The following MAGI1 variants were observed in gnomAD, a reference collection of about 807,000 sequenced individuals.
MAGI1 encodes membrane-associated guanylate kinase, WW and PDZ domain-containing protein 1.
In MAGI1, 58 loss-of-function variants were observed where a neutral mutation model predicts 139.9. The observed-to-expected ratio is 0.41, with a 90% confidence interval of 0.34 to 0.52. The LOEUF is 0.52. Ranked by LOEUF, MAGI1 falls within the 20% of genes least tolerant of loss-of-function variation. The pLI is 0.12. For missense variants in MAGI1, 1,874 were observed against 1,901.6 expected, an observed-to-expected ratio of 0.99 and a Z score of 0.27; for synonymous variants, 812 against 737.9, an observed-to-expected ratio of 1.10 and a Z score of -1.63.
intron 10 of MAGI1, among the ~76,000 whole-genome samples, chr3:65,435,501 T>TGGAA (rs1559551829): frequency 6.6e-6 from 1 of 151,660 alleles, no homozygotes; most frequent in Non-Finnish European, 1.5e-5. Flanking sequence ...GATGGATGGA[T>TGGAA]GGAAGATGGA....
chr3:65,653,980 T>G (rs1247154722), intron 1 of MAGI1, among the ~76,000 whole-genome samples: 1 of 152,136 alleles, frequency 6.6e-6, no homozygotes, highest in Non-Finnish European at 1.5e-5. Flanking sequence ...GCAAATGAAC[T>G]AGAAAGAAAT....
intron 1 of MAGI1, chr3:66,003,708 A>T (rs1336440451): frequency 6.6e-6 from 1 of 152,014 alleles, no homozygotes; most frequent in Admixed American, 6.6e-5. Context: ...ACCTCAAGTG[A>T]TCCACTCACC....
intron 2 of MAGI1, chr3:65,609,652 A>G (rs1264489699): frequency 6.2e-6 from 1 of 161,640 alleles, no homozygotes; most frequent in African/African-American, 2.4e-5. Flanking sequence ...TGGCATGCTC[A>G]TAGTTCACTG....
intron 1 of MAGI1, among the ~76,000 whole-genome samples, chr3:65,693,124 T>C (rs1203061071): frequency 6.6e-6 from 1 of 152,152 alleles, no homozygotes; most frequent in Non-Finnish European, 1.5e-5. Context: ...AAAAAAATTT[T>C]TATACAGATG....
At chr3:65,470,809 G>A (rs972902216) in intron 4 of MAGI1, among the ~76,000 whole-genome samples, 3 of 152,186 alleles carry the variant, frequency 2.0e-5, no homozygotes, top group South Asian at 4.2e-4. Context: ...AACTAAGAAG[G>A]CCATCAAAAC....
chr3:65,674,446 A>G (rs1483433657), intron 1 of MAGI1, among the ~76,000 whole-genome samples: 2 of 152,132 alleles, frequency 1.3e-5, no homozygotes, highest in Non-Finnish European at 2.9e-5. Context: ...AACTCCACAT[A>G]TGGGAACTAT....
chr3:65,422,998 T>G (rs1559541426), intron 12 of MAGI1, among the ~76,000 whole-genome samples: 1 of 152,128 alleles, frequency 6.6e-6, no homozygotes, highest in Non-Finnish European at 1.5e-5. Flanking sequence ...TGAGACCTGT[T>G]GCGAGGCCAC....
chr3:65,597,882 C>A (rs955810001), intron 2 of MAGI1: 5 of 452,658 alleles, frequency 1.1e-5, no homozygotes, highest in African/African-American at 6.1e-5. Context: ...CCTCCCACCA[C>A]GCTGGTCCTT....
chr3:65,522,424 A>C (rs1388011642), intron 2 of MAGI1, among the ~76,000 whole-genome samples: 1 of 152,168 alleles, frequency 6.6e-6, no homozygotes, highest in Non-Finnish European at 1.5e-5. Flanking sequence ...TCTCTAAATC[A>C]AGAAAGGATT....
chr3:65,848,172 G>T (rs766703676), intron 1 of MAGI1, among the ~76,000 whole-genome samples: 1 of 152,196 alleles, frequency 6.6e-6, no homozygotes, highest in Non-Finnish European at 1.5e-5. Flanking sequence ...GTCAGACCAC[G>T]TGTCTCTGTT....
chr3:65,468,366 T>C (rs1950309843), intron 5 of MAGI1, among the ~76,000 whole-genome samples: 1 of 99,450 alleles, frequency 1.0e-5, no homozygotes, highest in South Asian at 3.5e-4. Flanking sequence ...AAGAGGGTAT[T>C]CTTTTTTTTT....
At chr3:65,948,946 T>A (rs189324972) in intron 1 of MAGI1, among the ~76,000 whole-genome samples, 1 of 152,302 alleles carries the variant, frequency 6.6e-6, no homozygotes, top group Admixed American at 6.5e-5. Flanking sequence ...CTCTTCCAAC[T>A]GCCCAGTAAC....
At position 66,038,511 on chromosome 3, in the gene MAGI1, G is replaced by C; in HGVS notation, c.-203C>G. 1.4e-6 allele frequency: 1 copy of C among 710,394 alleles called. No homozygotes were observed. Among genetic ancestry groups the C allele is most frequent in the South Asian group, 3.1e-5 (1 of 32,226 alleles). 44.0% of individuals were successfully genotyped at this position (710,394 alleles called of 1,614,324 possible). A position where few individuals can be genotyped will look rare whatever the true frequency, so the allele number is the denominator to read the frequency against. On this transcript the variant is annotated 5_prime_UTR_variant, in exon 1 of 23. Coordinates refer to ENST00000402939, the MANE Select transcript of MAGI1 (RefSeq NM_001033057.2). ...AAACAAACTTTCTGGGCTTCCCCGC[G>C]AGCCCCGCACAGGCGCCCGCGAGCT... is the stretch of plus-strand genomic sequence containing the variant.
chr3:65,969,354 TG>T (rs1197731534), intron 1 of MAGI1, among the ~76,000 whole-genome samples: 3 of 152,198 alleles, frequency 2.0e-5, no homozygotes, highest in Admixed American at 6.5e-5. Flanking sequence ...TGTTAGGGGC[TG>T]GGGGGTGGCT....
intron 14 of MAGI1, chr3:65,387,063 T>C: frequency 7.8e-7 from 1 of 1,284,626 alleles, no homozygotes; most frequent in Non-Finnish European, 1.1e-6. Flanking sequence ...TCTGAACTTC[T>C]CCCCAGGCCC....
intron 1 of MAGI1, among the ~76,000 whole-genome samples, chr3:65,895,420 G>T (rs1402831977): frequency 6.6e-6 from 1 of 152,118 alleles, no homozygotes; most frequent in Non-Finnish European, 1.5e-5. Context: ...ACACCTTCAG[G>T]TTTCAGAAAT....
intron 13 of MAGI1, among the ~76,000 whole-genome samples, chr3:65,393,858 G>A (rs1474253870): frequency 1.3e-5 from 2 of 152,130 alleles, no homozygotes; most frequent in Non-Finnish European, 2.9e-5. Context: ...AGGGTTATTG[G>A]CAGTTTCTGT....
chr3:65,526,529 G>T (rs1280471968), intron 2 of MAGI1, among the ~76,000 whole-genome samples: 1 of 152,156 alleles, frequency 6.6e-6, no homozygotes, highest in Non-Finnish European at 1.5e-5. Flanking sequence ...CAGTATTAAA[G>T]AAAGAATTTG....
intron 2 of MAGI1, among the ~76,000 whole-genome samples, chr3:65,514,468 A>G (rs2077758857): frequency 6.7e-6 from 1 of 149,352 alleles, no homozygotes; most frequent in Non-Finnish European, 1.5e-5. Flanking sequence ...ACAAGAAAAA[A>G]ACAAACAACC....
Sources: allele counts gnomAD v4.1 joint callset (sites outside exome capture counted in the v4.1 genomes callset), GRCh38; gene constraint gnomAD v4.1.1; transcripts MANE v1.5; gene names NCBI Gene and HGNC (gene_info 2026-07-23, HGNC 2026-07-21).